VWF: variants seen among roughly 807,000 people sequenced by gnomAD.
The protein encoded by VWF is von Willebrand factor, also known as Factor VIII related antigen.
VWF carries 176 observed loss-of-function variants against 308.6 expected under a neutral mutation model. The observed-to-expected ratio is 0.57, with a 90% confidence interval of 0.50 to 0.65. VWF has a LOEUF of 0.65. Ranked by LOEUF, VWF falls within the 30% of genes least tolerant of loss-of-function variation. The probability of loss-of-function intolerance (pLI) is 0.00; values close to 1 mark genes in which losing one functional copy is unlikely to be tolerated. For missense variants in VWF, 3,146 were observed against 3,648.2 expected (o/e 0.86, Z 3.55); for synonymous variants, 1,385 against 1,443.4 (o/e 0.96, Z 0.92).
chr12:5,968,150 T>G lies in VWF; in HGVS notation c.7747A>C (p.Met2583Leu), dbSNP rs371687405. 5 of 1,613,980 alleles carry G rather than the reference T, an allele frequency of 3.1e-6. No individual in the cohort carries two copies. The African/African-American group carries it at 4.0e-5, about 13-fold the overall frequency. The change falls in exon 46 of 52, where the codon ATG (methionine) becomes CTG (leucine). Residue 2583 changes from methionine to leucine, a missense_variant. By Grantham distance (15) the Met-to-Leu change is conservative. This residue lies in a region of VWF where 989 missense variants were observed against 1,117.4 expected (regional missense o/e 0.89). Coordinates refer to ENST00000261405, the MANE Select transcript of VWF (RefSeq NM_000552.5). ...ACCCCAATGACAGTGCCATTGAGCATGCAGGCCTCCATGCGCTCTGGGGGA... is the reference window on the plus strand; with the variant it reads ...ACCCCAATGACAGTGCCATTGAGCAGGCAGGCCTCCATGCGCTCTGGGGGA... ...SCRCERMEAC[M>L]LNGTVIGPGK...
At chr12:5,968,667 A>G (rs1943434147) in intron 45 of VWF, among the ~76,000 whole-genome samples, 1 of 152,102 alleles carries the variant, frequency 6.6e-6, no homozygotes, top group Non-Finnish European at 1.5e-5. Context: ...GTGGTGGCGC[A>G]CGCCTGTAAT....
At chr12:5,984,027 G>A (rs1943648243) in intron 40 of VWF, among the ~76,000 whole-genome samples, 1 of 152,036 alleles carries the variant, frequency 6.6e-6, no homozygotes. Flanking sequence ...TAGACAGACA[G>A]ACAGACAGAC....
At position 6,075,314 on chromosome 12, in the gene VWF, CG is replaced by C; in HGVS notation, c.874+20del. The C allele has an allele frequency of 6.2e-7, 1 of 1,613,564 alleles. No individual in the cohort carries two copies. On this transcript the variant is annotated intron_variant, in intron 7 of 51. Coordinates refer to ENST00000261405, the MANE Select transcript of VWF (RefSeq NM_000552.5). This position sits in a 1 kb window ranked among gnomAD's most constrained non-coding sequence, Gnocchi z 4.7. ...ACCGTTCATCCCCGGCAGGGCAGGA[CG>C]GGGCAGGGGGCCGACTTACTGCACG...
Position 5,971,668 on chromosome 12 carries a change from C to A in VWF, c.7479G>T (p.Arg2493Ser), listed in dbSNP as rs1174500026. Residue 2493 changes from arginine (R) to serine (S), a missense_variant, in exon 44 of 52, where the codon AGG becomes AGT. Arg to Ser is a moderately radical substitution (Grantham distance 110). Coordinates refer to ENST00000261405, the MANE Select transcript of VWF (RefSeq NM_000552.5). ...CCACCTCACAGGCAGATGGCAGGCACCTTCCACAGCACTCGCCTTCATGCA... is the reference window on the plus strand; with the variant it reads ...CCACCTCACAGGCAGATGGCAGGCAACTTCCACAGCACTCGCCTTCATGCA... ...YVLHEGECCG[R>S]CLPSACEVVT... The A allele has an allele frequency of 6.2e-7, 1 of 1,614,226 alleles. No homozygotes were observed. The highest frequency in any genetic ancestry group is 8.5e-7 in the Non-Finnish European group (1 of 1,180,030).
In VWF at chr12:5,976,113, A is replaced by G; in HGVS notation, c.7435T>C (p.Ser2479Pro). 1.9e-6 allele frequency: 3 copies of G among 1,613,758 alleles called. No homozygotes were observed. Among genetic ancestry groups the G allele is most frequent in the Non-Finnish European group, 2.5e-6 (3 of 1,180,014 alleles). The change falls in exon 43 of 52, where the codon TCG (serine) becomes CCG (proline). Residue 2479 changes from serine (S) to proline (P), a missense_variant and splice_region_variant. Transcript: ENST00000261405. ...TGCCCAGCCCCTGCCCCACTCACCGACCGACAGCTGTCCTCACAGGGCTTC... is the reference window on the plus strand; with the variant it reads ...TGCCCAGCCCCTGCCCCACTCACCGGCCGACAGCTGTCCTCACAGGGCTTC... ...SQKPCEDSCRSGFTYVLHEGE... is the reference protein window; with the variant it reads ...SQKPCEDSCRPGFTYVLHEGE...
At position 5,992,033 on chromosome 12, in the gene VWF, G is replaced by T. The variant is rs745470079; in HGVS notation, c.6599-15C>A. ...GCATGACATAGCTGTAGACAGAGAA[G>T]GAGGTCACTTGCAAAGGCCCACACC... On this transcript the variant is annotated splice_polypyrimidine_tract_variant and intron_variant, in intron 37 of 51. Transcript: ENST00000261405. 3.7e-6 allele frequency: 6 copies of T among 1,613,414 alleles called. No individual in the cohort carries two copies. In the African/African-American group the frequency reaches 6.7e-5, roughly 18 times the overall value.
chr12:6,023,707 G>T lies in VWF; in HGVS notation c.3303C>A (p.Cys1101Ter). 6.2e-7 allele frequency: 1 copy of T among 1,613,876 alleles called. No homozygotes were observed. The highest frequency in any genetic ancestry group is 1.1e-5 in the South Asian group (1 of 90,928). Residue 1101 changes from cysteine (C) to a stop codon, truncating the protein, a stop_gained, in exon 25 of 52, where the codon TGC (cysteine) becomes TGA (stop). Coordinates refer to ENST00000261405, the MANE Select transcript of VWF (RefSeq NM_000552.5). LOFTEE classifies it high-confidence loss of function. ...CGTGGGCATAGGCAGCAATGGTGTCGCAGAAGCAGGCGCAGTCCCCAATGG... is the reference window on the plus strand; with the variant it reads ...CGTGGGCATAGGCAGCAATGGTGTCTCAGAAGCAGGCGCAGTCCCCAATGG... ...CESIGDCACF[C>*]DTIAAYAHVC...
Position 6,045,674 on chromosome 12 carries a change from C to G in VWF, c.2281+1049G>C, listed in dbSNP as rs116187444. Reference sequence around the variant, plus strand: ...CAGGAGCCAGACCTGTCACGCAGGGCAAGCCAGGAAGCAAACACCATGGCA... The same window carrying G: ...CAGGAGCCAGACCTGTCACGCAGGGGAAGCCAGGAAGCAAACACCATGGCA... On this transcript the variant is annotated intron_variant, in intron 17 of 51. Transcript: ENST00000261405. Among the ~76,000 whole-genome samples, 329 of 152,300 alleles carry G rather than the reference C, an allele frequency of 2.2e-3. 2 individuals carry two copies. The highest frequency in any genetic ancestry group is 7.5e-3 in the African/African-American group (310 of 41,560).
intron 18 of VWF, among the ~76,000 whole-genome samples, chr12:6,040,869 C>T (rs1311795655): frequency 6.6e-6 from 1 of 152,156 alleles, no homozygotes; most frequent in African/African-American, 2.4e-5. Context: ...CTGCCCCCGC[C>T]AATATTTTCA....
chr12:6,064,447 G>A (rs1007936952), intron 11 of VWF, 63 bp from the exon 12 acceptor site: 8 of 1,604,332 alleles, frequency 5.0e-6, no homozygotes, highest in East Asian at 2.2e-5. Context: ...CCCCAGCCCA[G>A]GACCCTCTTA....
At chr12:6,083,329 T>C (rs1395095214) in intron 6 of VWF, among the ~76,000 whole-genome samples, 1 of 152,170 alleles carries the variant, frequency 6.6e-6, no homozygotes, top group Non-Finnish European at 1.5e-5. Flanking sequence ...CCAGCACTTT[T>C]GGAGGCCAAA....
intron 6 of VWF, among the ~76,000 whole-genome samples, chr12:6,078,856 A>C (rs1329566653): frequency 6.6e-6 from 1 of 152,174 alleles, no homozygotes; most frequent in Non-Finnish European, 1.5e-5. Context: ...ACTCAGAGGG[A>C]TAATGGGAAC....
At chr12:6,065,729 G>A (rs372538653) in intron 10 of VWF, among the ~76,000 whole-genome samples, 5 of 152,212 alleles carry the variant, frequency 3.3e-5, no homozygotes, top group African/African-American at 1.2e-4. Flanking sequence ...GAACCTGAGT[G>A]TGGAGAGGCT....
chr12:5,971,199 T>G (rs1943468961), intron 44 of VWF, among the ~76,000 whole-genome samples: 2 of 151,828 alleles, frequency 1.3e-5, no homozygotes, highest in Non-Finnish European at 2.9e-5. Context: ...ACCAAGGAGG[T>G]TTCAGTAGAA....
In VWF at chr12:6,031,017, C is replaced by T. The variant is rs529270344; in HGVS notation, c.2820+427G>A. Among the ~76,000 whole-genome samples the T allele has an allele frequency of 1.1e-4, 17 of 152,122 alleles. 1 individual carries two copies. The highest frequency in any genetic ancestry group is 3.6e-4 in the African/African-American group (15 of 41,490). ...CTACACTCCAGCCTAGGCAAAAGAG[C>T]GAGACTCCATCTCAAAAAAATAAAG... On this transcript the variant is annotated intron_variant, in intron 21 of 51. Transcript: ENST00000261405.
rs112796733 is a variant in VWF at position 6,008,209 on chromosome 12, A to T, written c.5842+3408T>A. ...AATTACCCTGATACCAAAGTCAAAG[A>T]CTTTACATTAAAAAAAACTACAAGT... On this transcript the variant is annotated intron_variant, in intron 34 of 51. Transcript: ENST00000261405. Among the ~76,000 whole-genome samples, 265 of 106,320 alleles carry T rather than the reference A, an allele frequency of 2.5e-3. 1 individual carries two copies. Among genetic ancestry groups the T allele is most frequent in the African/African-American group, 9.6e-3 (256 of 26,598 alleles). 69.8% of individuals were successfully genotyped at this position (106,320 alleles called of 152,430 possible).
In VWF at chr12:6,075,578, G is replaced by A. The variant is rs1385665667; in HGVS notation, c.658-27C>T. On this transcript the variant is annotated intron_variant, in intron 6 of 51. Coordinates refer to ENST00000261405, the MANE Select transcript of VWF (RefSeq NM_000552.5). The surrounding 1 kb of genome is among the most constrained non-coding windows in gnomAD (Gnocchi z 4.7). ...TGCAGGAAGAGGGGCCGCCTCAGCG[G>A]TATGCTCCGTTAGTGTCTCCCTGAG... 3 of 1,602,638 alleles carry A rather than the reference G, an allele frequency of 1.9e-6. No individual in the cohort carries two copies. Among genetic ancestry groups the A allele is most frequent in the Middle Eastern group, 1.7e-4 (1 of 6,038 alleles).
intron 38 of VWF, among the ~76,000 whole-genome samples, chr12:5,986,846 C>T (rs1349047614): frequency 6.6e-6 from 1 of 152,236 alleles, no homozygotes; most frequent in African/African-American, 2.4e-5. Context: ...TAGGTTCCCA[C>T]AGGCACAGCG....
rs1433463237 is a variant in VWF, at chr12:6,022,149, C to T, written c.3539-114G>A. On this transcript the variant is annotated intron_variant, in intron 26 of 51. Coordinates refer to ENST00000261405, the MANE Select transcript of VWF (RefSeq NM_000552.5). The stretch of plus-strand genomic sequence containing the variant: ...CTCCTCCTGCCCTAGAAGCCAACTC[C>T]TCCTGCCTGCACTCCCAGGGGTCAC... The T allele has an allele frequency of 4.2e-6, 6 of 1,432,306 alleles. No homozygotes were observed. The East Asian group carries it at 9.1e-5, about 22-fold the overall frequency. 88.7% of individuals were successfully genotyped at this position (1,432,306 alleles called of 1,614,324 possible).
Sources: gnomAD v4.1 joint callset for allele counts (sites outside exome capture counted in the v4.1 genomes callset) on GRCh38, gnomAD v4.1.1 for gene constraint, gnomAD v4.1.1 regional missense constraint, Gnocchi (gnomAD v3.1) non-coding constraint, MANE v1.5 for transcripts, NCBI Gene and HGNC (gene_info 2026-07-23, HGNC 2026-07-21) for gene names.